Variants in POLR3B observed in about 807,000 individuals in gnomAD.
The protein encoded by POLR3B is DNA-directed RNA polymerase III subunit RPC2.
In POLR3B, 96 loss-of-function variants were observed where a neutral mutation model predicts 147.4. The observed-to-expected ratio is 0.65, with a 90% confidence interval of 0.55 to 0.77. POLR3B has a LOEUF of 0.77. POLR3B is among the 30% of genes least tolerant of loss of function. The pLI is 0.00. For missense variants in POLR3B, 1,036 were observed against 1,413.5 expected, an observed-to-expected ratio of 0.73 and a Z score of 4.28; for synonymous variants, 461 against 485.9, an observed-to-expected ratio of 0.95 and a Z score of 0.67.
intron 23 of POLR3B, among the ~76,000 whole-genome samples, chr12:106,464,939 A>T (rs1465077989): frequency 6.6e-6 from 1 of 152,180 alleles, no homozygotes; most frequent in African/African-American, 2.4e-5. Context: ...AGGCAAGATT[A>T]TTTTAGCCTG....
chr12:106,369,686 G>A lies in POLR3B; in HGVS notation c.404+3G>A, dbSNP rs757255082. 1.9e-6 allele frequency: 3 copies of A among 1,586,896 alleles called. No homozygotes were observed. Among genetic ancestry groups the A allele is most frequent in the Admixed American group, 3.3e-5 (2 of 59,990 alleles). ...CGCAATGCCTTACCTATCGGCAGGT[G>A]AGAAATGAAATCCGTATTAGAGCCA... On this transcript the variant is annotated splice_donor_region_variant and intron_variant, in intron 6 of 27. Transcript: ENST00000228347.
chr12:106,463,633 A>T lies in POLR3B; in HGVS notation c.2713+13A>T, dbSNP rs772566893. The T allele has an allele frequency of 1.2e-6, 2 of 1,605,902 alleles. No individual in the cohort carries two copies. Among genetic ancestry groups the T allele is most frequent in the South Asian group, 2.2e-5 (2 of 90,894 alleles). On this transcript the variant is annotated intron_variant, in intron 23 of 27. Transcript: ENST00000228347. ...CATGGGCAAAAAGGTAAACTGTATC[A>T]TTTCTCAACTTGATTATAAAACAAT... is the stretch of plus-strand genomic sequence containing the variant.
At chr12:106,465,556 T>C (rs1015978100) in intron 23 of POLR3B, among the ~76,000 whole-genome samples, 2 of 152,216 alleles carry the variant, frequency 1.3e-5, no homozygotes, top group African/African-American at 4.8e-5. Flanking sequence ...TGGTGGTTTG[T>C]ACACCCATCA....
At chr12:106,465,797 C>CT (rs1327784767) in intron 23 of POLR3B, among the ~76,000 whole-genome samples, 1 of 152,116 alleles carries the variant, frequency 6.6e-6, no homozygotes, top group African/African-American at 2.4e-5. Flanking sequence ...TGAACTCATC[C>CT]TTTTTTATGG....
chr12:106,489,177 T>C (rs2038378450), intron 23 of POLR3B, among the ~76,000 whole-genome samples: 1 of 152,210 alleles, frequency 6.6e-6, no homozygotes, highest in South Asian at 2.1e-4. Flanking sequence ...GTGTTTGTCC[T>C]GGCAAATAGA....
intron 10 of POLR3B, among the ~76,000 whole-genome samples, chr12:106,398,575 G>T (rs531500467): frequency 2.6e-5 from 4 of 152,156 alleles, no homozygotes; most frequent in African/African-American, 7.2e-5. Context: ...TAACTGGGAG[G>T]CACCCCCCAG....
chr12:106,392,795 A>G (rs1375938080), intron 9 of POLR3B, among the ~76,000 whole-genome samples: 1 of 152,250 alleles, frequency 6.6e-6, no homozygotes, highest in African/African-American at 2.4e-5. Context: ...TTTAGCAGAT[A>G]GTACACATGC....
At chr12:106,447,569 G>A (rs528202297) in intron 19 of POLR3B, among the ~76,000 whole-genome samples, 29 of 152,266 alleles carry the variant, frequency 1.9e-4, no homozygotes, top group Middle Eastern at 3.4e-3. Context: ...CAGGTCACTC[G>A]CTCAGCACTA....
In POLR3B at chr12:106,405,963, T is replaced by C; in HGVS notation, c.953T>C (p.Leu318Pro). The C allele has an allele frequency of 6.2e-7, 1 of 1,613,894 alleles. No individual in the cohort carries two copies. Among genetic ancestry groups the C allele is most frequent in the Non-Finnish European group, 8.5e-7 (1 of 1,179,822 alleles). ...AGAGAGCTCCTGGCTTCCACCATTC[T>C]GACCCATGTCCCAGTGAGTAACACT... ...EARELLASTI[L>P]THVPVKEFNF... The change falls in exon 11 of 28, where the codon CTG becomes CCG. Residue 318 changes from leucine (L) to proline (P), a missense_variant. This residue lies in a region of POLR3B where 217 missense variants were observed against 288.7 expected (regional missense o/e 0.75). Transcript: ENST00000228347.
chr12:106,480,405 C>T (rs1267391820), intron 23 of POLR3B, among the ~76,000 whole-genome samples: 2 of 152,226 alleles, frequency 1.3e-5, no homozygotes, highest in Non-Finnish European at 2.9e-5. Context: ...TAGGATCTTT[C>T]TAACTCCTGC....
chr12:106,486,510 G>T (rs1339258420), intron 23 of POLR3B, among the ~76,000 whole-genome samples: 1 of 151,902 alleles, frequency 6.6e-6, no homozygotes, highest in Admixed American at 6.6e-5. Flanking sequence ...GAGATTTCTC[G>T]TTGGAAAGAC....
At chr12:106,386,540 T>C (rs1466016063) in intron 9 of POLR3B, among the ~76,000 whole-genome samples, 1 of 152,056 alleles carries the variant, frequency 6.6e-6, no homozygotes, top group Non-Finnish European at 1.5e-5. Flanking sequence ...TCATGGAAAA[T>C]GCATGACTAG....
intron 20 of POLR3B, among the ~76,000 whole-genome samples, chr12:106,455,200 G>A (rs1028005088): frequency 2.0e-5 from 3 of 152,170 alleles, no homozygotes; most frequent in Non-Finnish European, 2.9e-5. Flanking sequence ...AAACTCTGGC[G>A]TGGAGTTTTT....
intron 9 of POLR3B, among the ~76,000 whole-genome samples, chr12:106,383,653 G>A (rs1050037103): frequency 3.3e-5 from 5 of 152,026 alleles, no homozygotes; most frequent in African/African-American, 1.2e-4. Flanking sequence ...CACGGTTTGT[G>A]GCACCCCAAA....
chr12:106,374,812 G>A (rs1016019835), intron 6 of POLR3B, among the ~76,000 whole-genome samples: 1 of 152,102 alleles, frequency 6.6e-6, no homozygotes, highest in South Asian at 2.1e-4. Context: ...CACCGCACCT[G>A]GCCTCCTTGG....
At chr12:106,450,056 G>A (rs901476096) in intron 19 of POLR3B, among the ~76,000 whole-genome samples, 9 of 152,168 alleles carry the variant, frequency 5.9e-5, no homozygotes, top group African/African-American at 2.2e-4. Context: ...TAGGTCAATG[G>A]AATTGGCATC....
chr12:106,400,993 A>T (rs1399680590), intron 10 of POLR3B, among the ~76,000 whole-genome samples: 2 of 152,212 alleles, frequency 1.3e-5, no homozygotes, highest in Non-Finnish European at 2.9e-5. Context: ...AACTGAAGGA[A>T]ATAGAGACAC....
intron 23 of POLR3B, among the ~76,000 whole-genome samples, chr12:106,478,095 T>A (rs571113269): frequency 1.4e-4 from 21 of 151,842 alleles, no homozygotes; most frequent in African/African-American, 3.6e-4. Context: ...TTAGTAGAGA[T>A]GGAGTTTCAC....
chr12:106,405,215 A>G (rs1466539260), intron 10 of POLR3B, among the ~76,000 whole-genome samples: 1 of 152,096 alleles, frequency 6.6e-6, no homozygotes, highest in East Asian at 1.9e-4. Flanking sequence ...TTGCATTTCC[A>G]TGTAAATTTT....
Sources: gnomAD v4.1 joint callset for allele counts (sites outside exome capture counted in the v4.1 genomes callset) on GRCh38, gnomAD v4.1.1 for gene constraint, gnomAD v4.1.1 regional missense constraint, MANE v1.5 for transcripts, NCBI Gene and HGNC (gene_info 2026-07-23, HGNC 2026-07-21) for gene names.